ZNF536: variants seen among roughly 807,000 people sequenced by gnomAD.
ZNF536 encodes the protein zinc finger protein 536.
In ZNF536, 13 loss-of-function variants were observed where a neutral mutation model predicts 84.5. The observed-to-expected ratio is 0.15, with a 90% CI of 0.10 to 0.24. The LOEUF (loss-of-function observed/expected upper bound fraction) is 0.24, where lower values mean the gene tolerates loss of function less well. Among genes scored for constraint, ZNF536 ranks in the 10% least tolerant of loss-of-function variants. The probability of loss-of-function intolerance (pLI) is 1.00; values close to 1 mark genes in which losing one functional copy is unlikely to be tolerated. For synonymous variants in ZNF536, 811 were observed against 742.5 expected (o/e 1.09, Z -1.50); for missense variants, 1,536 against 1,747.5 (o/e 0.88, Z 2.16).
chr19:30,577,109 C>A (rs950052753), intron 1 of ZNF536, among the ~76,000 whole-genome samples: 22 of 152,178 alleles, frequency 1.4e-4, no homozygotes, highest in Admixed American at 1.3e-4. Flanking sequence ...AACTCTTCAA[C>A]GATTATTTAT....
At chr19:30,404,740 G>A (rs960356392) in intron 1 of ZNF536, among the ~76,000 whole-genome samples, 2 of 151,970 alleles carry the variant, frequency 1.3e-5, no homozygotes, top group East Asian at 1.9e-4. Flanking sequence ...GAGGCGGGGG[G>A]GCTCCTCAAC....
intron 3 of ZNF536, among the ~76,000 whole-genome samples, chr19:30,539,655 C>T (rs2045249178): frequency 6.6e-6 from 1 of 152,324 alleles, no homozygotes; most frequent in South Asian, 2.1e-4. Context: ...CCATGCCATT[C>T]TTTTCCTCCA....
chr19:30,455,085 T>G (rs935649662), intron 2 of ZNF536, among the ~76,000 whole-genome samples: 9 of 152,110 alleles, frequency 5.9e-5, no homozygotes, highest in African/African-American at 1.9e-4. Flanking sequence ...CTACTTGGTC[T>G]CGTCCACGAG....
At chr19:30,340,175 C>T (rs2047520490) in intron 2 of ZNF536, among the ~76,000 whole-genome samples, 1 of 152,200 alleles carries the variant, frequency 6.6e-6, no homozygotes, top group African/African-American at 2.4e-5. Flanking sequence ...CTCCCTAGCT[C>T]TGAGGTGTCA....
At chr19:30,700,085 TTC>T (rs1446971834) in intron 1 of ZNF536, among the ~76,000 whole-genome samples, 79 of 147,854 alleles carry the variant, frequency 5.3e-4, no homozygotes, top group African/African-American at 1.7e-3. Context: ...CTCTCCCTCT[TTC>T]TTTCTCTTTC....
At chr19:30,602,154 C>T (rs1317076838) in intron 1 of ZNF536, among the ~76,000 whole-genome samples, 2 of 152,192 alleles carry the variant, frequency 1.3e-5, no homozygotes, top group African/African-American at 4.8e-5. Context: ...CACTTTGATG[C>T]AATGATGAGG....
intron 1 of ZNF536, among the ~76,000 whole-genome samples, chr19:30,399,155 C>T (rs1375507931): frequency 1.3e-5 from 2 of 152,202 alleles, no homozygotes; most frequent in African/African-American, 4.8e-5. Context: ...ATTTGCATTT[C>T]TCTGATGACC....
chr19:30,576,807 C>T (rs1053161593), intron 1 of ZNF536, among the ~76,000 whole-genome samples: 3 of 152,196 alleles, frequency 2.0e-5, no homozygotes, highest in Admixed American at 6.5e-5. Flanking sequence ...GCAACTCAGC[C>T]GTCTTCCAAG....
intron 1 of ZNF536, among the ~76,000 whole-genome samples, chr19:30,400,908 G>T (rs1052742294): frequency 9.2e-5 from 14 of 152,054 alleles, no homozygotes; most frequent in African/African-American, 3.1e-4. Context: ...TTTTACTTCC[G>T]GTATCATATT....
chr19:30,281,935 C>T (rs1326429377), intron 1 of ZNF536, among the ~76,000 whole-genome samples: 2 of 152,186 alleles, frequency 1.3e-5, no homozygotes, highest in East Asian at 1.9e-4. Flanking sequence ...GCCTCACGTC[C>T]AGGCTGCTTC....
At chr19:30,505,200 C>T (rs60602918) in intron 2 of ZNF536, among the ~76,000 whole-genome samples, 1,991 of 147,556 alleles carry the variant, frequency 0.013, 55 homozygotes, top group African/African-American at 0.047. Flanking sequence ...AAATTATTCT[C>T]TCTATATATT....
At chr19:30,542,409 T>A (rs543515040) in intron 3 of ZNF536, among the ~76,000 whole-genome samples, 1 of 152,378 alleles carries the variant, frequency 6.6e-6, no homozygotes, top group South Asian at 2.1e-4. Flanking sequence ...TTATCAATGA[T>A]ATTCTAAAGC....
At chr19:30,375,040 G>A (rs2048758213) in intron 1 of ZNF536, among the ~76,000 whole-genome samples, 1 of 151,820 alleles carries the variant, frequency 6.6e-6, no homozygotes, top group Admixed American at 6.6e-5. Context: ...AGGGGAAATG[G>A]GACATGATGG....
chr19:30,674,170 G>C (rs908722162), intron 1 of ZNF536, among the ~76,000 whole-genome samples: 1 of 152,212 alleles, frequency 6.6e-6, no homozygotes, highest in Non-Finnish European at 1.5e-5. Context: ...GCAGGTTGGC[G>C]GGGTGACAGC....
At chr19:30,666,966 C>T (rs2050347583) in intron 1 of ZNF536, among the ~76,000 whole-genome samples, 1 of 152,080 alleles carries the variant, frequency 6.6e-6, no homozygotes, top group South Asian at 2.1e-4. Context: ...ACCCTGGGCT[C>T]ATGTCTCCTG....
At chr19:30,352,508 CCTT>C (rs1439582130) in intron 3 of ZNF536, 5 of 152,210 alleles carry the variant, frequency 3.3e-5, no homozygotes, top group African/African-American at 1.2e-4. Context: ...TATTAGAACT[CCTT>C]CTTCTTCCCA....
Position 30,445,327 on chromosome 19 carries a change from G to T in ZNF536, c.1765G>T (p.Gly589Cys). The T allele has an allele frequency of 6.2e-7, 1 of 1,614,178 alleles. No individual in the cohort carries two copies. Among genetic ancestry groups the T allele is most frequent in the Non-Finnish European group, 8.5e-7 (1 of 1,180,050 alleles). Residue 589 changes from glycine (G) to cysteine (C), a missense_variant, in exon 2 of 5, where the codon GGC becomes TGC. Gly to Cys is a radical substitution (Grantham distance 159, BLOSUM62 -3). Around this residue, in one of 8 missense-constraint regions of ZNF536, gnomAD observed 366 missense variants for 364.4 expected, o/e 1.00. Coordinates refer to ENST00000355537, the MANE Select transcript of ZNF536 (RefSeq NM_014717.3). The surrounding 1 kb of genome is among the most constrained non-coding windows in gnomAD (Gnocchi z 4.5). Reference sequence around the variant, plus strand: ...TGATTTGGTTCACAGCACTAAAGTGGGCAGCCAGAGAGACCTGCCAAGTAA... The same window carrying T: ...TGATTTGGTTCACAGCACTAAAGTGTGCAGCCAGAGAGACCTGCCAAGTAA... ...PADLVHSTKVGSQRDLPSKLD... is the reference protein window; with the variant it reads ...PADLVHSTKVCSQRDLPSKLD...
downstream of ZNF536, among the ~76,000 whole-genome samples, chr19:30,558,559 G>C (rs74952455): frequency 7.4e-4 from 112 of 152,310 alleles, no homozygotes; most frequent in East Asian, 0.017. Context: ...CGCGGAGGTG[G>C]GAATCTTTAT....
At chr19:30,241,763 C>T (rs548664154) in intron 1 of ZNF536, among the ~76,000 whole-genome samples, 3 of 152,290 alleles carry the variant, frequency 2.0e-5, no homozygotes, top group East Asian at 1.9e-4. Flanking sequence ...CCCTGTGATT[C>T]GTGCTGCTCT....
Sources: gnomAD v4.1 joint callset for allele counts (sites outside exome capture counted in the v4.1 genomes callset) on GRCh38, gnomAD v4.1.1 for gene constraint, gnomAD v4.1.1 regional missense constraint, Gnocchi (gnomAD v3.1) non-coding constraint, MANE v1.5 for transcripts, NCBI Gene and HGNC (gene_info 2026-07-23, HGNC 2026-07-21) for gene names.